The following PPFIBP1 variants were observed in gnomAD, a reference collection of about 807,000 sequenced individuals.
PPFIBP1 encodes the protein liprin-beta-1.
A neutral mutation model predicts 137.8 loss-of-function variants in PPFIBP1; 112 were observed. The observed-to-expected ratio is 0.81, with a 90% CI of 0.70 to 0.95. The LOEUF (loss-of-function observed/expected upper bound fraction) is 0.95, where lower values mean the gene tolerates loss of function less well. Ranked by LOEUF, PPFIBP1 falls within the 40% of genes least tolerant of loss-of-function variation. The pLI is 0.00. For synonymous variants in PPFIBP1, 378 were observed against 417.3 expected (o/e 0.91, Z 1.15); for missense variants, 1,083 against 1,196.6 (o/e 0.91, Z 1.40).
rs374510455 is a variant in PPFIBP1, at chr12:27,664,349, A to T, written c.907-13A>T. On this transcript the variant is annotated splice_polypyrimidine_tract_variant and intron_variant, in intron 11 of 29. Transcript: ENST00000228425. ...AACATAGGATTAAAGATTACAATTT[A>T]TTTTATTCCTAGGATCGGAAAATAG... 10 of 1,557,280 alleles carry T rather than the reference A, an allele frequency of 6.4e-6. No individual in the cohort carries two copies. The highest frequency in any genetic ancestry group is 7.1e-6 in the Non-Finnish European group (8 of 1,130,968).
intron 2 of PPFIBP1, among the ~76,000 whole-genome samples, chr12:27,629,628 G>A (rs1053111639): frequency 7.9e-5 from 12 of 152,166 alleles, no homozygotes; most frequent in African/African-American, 2.9e-4. Context: ...ATGTGAGGAA[G>A]CCCAGGGAAT....
At chr12:27,629,229 T>G (rs2057085370) in intron 2 of PPFIBP1, among the ~76,000 whole-genome samples, 1 of 152,234 alleles carries the variant, frequency 6.6e-6, no homozygotes, top group Non-Finnish European at 1.5e-5. Flanking sequence ...TAGCCAACAA[T>G]GAGTGGTTCC....
chr12:27,627,720 C>T (rs973357963), intron 2 of PPFIBP1, among the ~76,000 whole-genome samples: 11 of 152,096 alleles, frequency 7.2e-5, no homozygotes, highest in Admixed American at 2.6e-4. Context: ...CATCCATGCC[C>T]GGAACTTTCC....
At chr12:27,635,259 T>G (rs1432016420) in intron 4 of PPFIBP1, 144 bp downstream of exon 4, 2 of 768,010 alleles carry the variant, frequency 2.6e-6, no homozygotes, top group Non-Finnish European at 4.2e-6. Context: ...CTTAATTTTC[T>G]TTTGACTCTA....
At chr12:27,541,380 C>T (rs1047477723) in intron 1 of PPFIBP1, among the ~76,000 whole-genome samples, 3 of 152,042 alleles carry the variant, frequency 2.0e-5, no homozygotes, top group Non-Finnish European at 4.4e-5. Context: ...CTGAAGGCAG[C>T]GGGGCTTCCA....
At chr12:27,593,647 TC>T (rs2052809812) in intron 2 of PPFIBP1, 1 of 512,578 alleles carries the variant, frequency 2.0e-6, no homozygotes, top group Non-Finnish European at 3.6e-6. Flanking sequence ...ACAAGATTAT[TC>T]AGTTTGCTGA....
chr12:27,634,181 A>C (rs7969216), intron 3 of PPFIBP1, among the ~76,000 whole-genome samples: 1 of 129,150 alleles, frequency 7.7e-6, no homozygotes, highest in Admixed American at 9.0e-5. Context: ...AAGTCTTGCT[A>C]TGTTTCTCAA....
intron 1 of PPFIBP1, among the ~76,000 whole-genome samples, chr12:27,528,433 G>A (rs1409952101): frequency 6.6e-6 from 1 of 152,114 alleles, no homozygotes; most frequent in East Asian, 1.9e-4. Context: ...TTATTGCAGT[G>A]CACGTCAGAA....
At chr12:27,589,346 C>T (rs1471349558) in intron 2 of PPFIBP1, among the ~76,000 whole-genome samples, 2 of 152,128 alleles carry the variant, frequency 1.3e-5, no homozygotes, top group Non-Finnish European at 2.9e-5. Context: ...TCCTCTTGAG[C>T]CGTGAATTTT....
intron 2 of PPFIBP1, among the ~76,000 whole-genome samples, chr12:27,611,346 C>A (rs1468521109): frequency 6.6e-6 from 1 of 152,156 alleles, no homozygotes; most frequent in African/African-American, 2.4e-5. Context: ...TTGGCTTGTA[C>A]ATGGCTGTCT....
At chr12:27,552,134 G>A (rs991224199) in intron 1 of PPFIBP1, among the ~76,000 whole-genome samples, 41 of 152,174 alleles carry the variant, frequency 2.7e-4, no homozygotes, top group African/African-American at 9.2e-4. Context: ...AATTCATCAG[G>A]GTGCCTGCCT....
chr12:27,567,168 A>G (rs1450155613), intron 1 of PPFIBP1, among the ~76,000 whole-genome samples: 2 of 152,222 alleles, frequency 1.3e-5, no homozygotes, highest in African/African-American at 2.4e-5. Context: ...TGCAAATACA[A>G]TTCAGACCAT....
chr12:27,584,466 C>CT (rs1401640207), intron 2 of PPFIBP1: 1 of 152,258 alleles, frequency 6.6e-6, no homozygotes, highest in Non-Finnish European at 1.5e-5. Context: ...ATTCTCGCTC[C>CT]TTTGCATGTG....
rs149058036 is a variant in PPFIBP1 at position 27,610,579 on chromosome 12, A to G, written c.-35-22783A>G. Reference sequence around the variant, plus strand: ...TGGCTTGAATTATTTGAGTCCTGGCAGCAGAAAACATGGGAGGAGACTTAA... The same window carrying G: ...TGGCTTGAATTATTTGAGTCCTGGCGGCAGAAAACATGGGAGGAGACTTAA... On this transcript the variant is annotated intron_variant, in intron 2 of 29. Transcript: ENST00000228425. Among the ~76,000 whole-genome samples, 46 of 152,342 alleles carry G rather than the reference A, an allele frequency of 3.0e-4. 1 individual carries two copies. In the East Asian group the frequency reaches 7.9e-3, roughly 26 times the overall value.
intron 1 of PPFIBP1, among the ~76,000 whole-genome samples, chr12:27,544,227 G>A (rs1286420565): frequency 1.3e-5 from 2 of 152,108 alleles, no homozygotes; most frequent in Non-Finnish European, 2.9e-5. Flanking sequence ...AGGCAGAGGT[G>A]TTTGTGGTGA....
At chr12:27,553,684 AG>A (rs1947009444) in intron 1 of PPFIBP1, among the ~76,000 whole-genome samples, 1 of 152,250 alleles carries the variant, frequency 6.6e-6, no homozygotes, top group African/African-American at 2.4e-5. Context: ...TCACAACTGC[AG>A]GGGGCACCAT....
At chr12:27,630,042 T>A (rs2057151020) in intron 2 of PPFIBP1, among the ~76,000 whole-genome samples, 1 of 152,172 alleles carries the variant, frequency 6.6e-6, no homozygotes, top group South Asian at 2.1e-4. Context: ...AAATTGAATT[T>A]GATCAAGATG....
At chr12:27,620,501 A>C (rs1461805377) in intron 2 of PPFIBP1, among the ~76,000 whole-genome samples, 1 of 152,192 alleles carries the variant, frequency 6.6e-6, no homozygotes, top group Admixed American at 6.5e-5. Context: ...GGTTTTAATC[A>C]ATGTCACTTT....
At chr12:27,613,316 G>A (rs983386097) in intron 2 of PPFIBP1, among the ~76,000 whole-genome samples, 17 of 152,192 alleles carry the variant, frequency 1.1e-4, no homozygotes, top group Admixed American at 5.9e-4. Flanking sequence ...AGAAACCTTG[G>A]ATATTACACA....
Sources: allele counts gnomAD v4.1 joint callset (sites outside exome capture counted in the v4.1 genomes callset), GRCh38; gene constraint gnomAD v4.1.1; transcripts MANE v1.5; gene names NCBI Gene and HGNC (gene_info 2026-07-23, HGNC 2026-07-21).